Variants in ADAMTSL1 observed in about 807,000 individuals in gnomAD.
ADAMTSL1 encodes the protein ADAMTS-like protein 1.
In ADAMTSL1, 126 loss-of-function variants were observed where a neutral mutation model predicts 201.8. The ratio of observed to expected loss-of-function variants is 0.62; its 90% CI spans 0.54 to 0.72. The LOEUF is 0.72. ADAMTSL1 is among the 30% of genes least tolerant of loss of function. The probability of loss-of-function intolerance (pLI) is 0.00; values close to 1 mark genes in which losing one functional copy is unlikely to be tolerated. For synonymous variants in ADAMTSL1, 1,121 were observed against 903.4 expected (o/e 1.24, Z -4.32); for missense variants, 2,679 against 2,277.8 (o/e 1.18, Z -3.59).
chr9:18,861,895 C>T (rs773955118), intron 23 of ADAMTSL1, among the ~76,000 whole-genome samples: 7 of 152,194 alleles, frequency 4.6e-5, no homozygotes, highest in African/African-American at 7.2e-5. Flanking sequence ...AACTCTCCCC[C>T]GTCTTTACTT....
chr9:18,672,245 C>T (rs1564137590), intron 9 of ADAMTSL1, among the ~76,000 whole-genome samples: 1 of 151,618 alleles, frequency 6.6e-6, no homozygotes, highest in Non-Finnish European at 1.5e-5. Context: ...ATCACTTCTG[C>T]ACAGACTCAA....
chr9:18,337,483 C>T (rs998268265), intron 2 of ADAMTSL1, among the ~76,000 whole-genome samples: 3 of 152,110 alleles, frequency 2.0e-5, no homozygotes, highest in Admixed American at 6.6e-5. Context: ...CTAGAGAACC[C>T]TGACAAATAC....
intron 1 of ADAMTSL1, among the ~76,000 whole-genome samples, chr9:18,105,096 C>T (rs1421707486): frequency 1.3e-5 from 2 of 152,132 alleles, no homozygotes; most frequent in African/African-American, 4.8e-5. Context: ...GTCAGAGACT[C>T]AGTTCTATTC....
rs777848305 is a variant in ADAMTSL1 at position 18,675,860 on chromosome 9, CG to C, written c.1091del (p.Gly364AspfsTer87). 1 of 1,612,750 alleles carries C rather than the reference CG, an allele frequency of 6.2e-7. No individual in the cohort carries two copies. The highest frequency in any genetic ancestry group is 8.5e-7 in the Non-Finnish European group (1 of 1,179,092). On this transcript the variant is annotated frameshift_variant, in exon 10 of 29. Transcript: ENST00000380548. LOFTEE classifies it high-confidence loss of function. ...TTGGCATTATTGTTCCTAACAGTGA[CG>C]GATACAAGCAGATCATGCCTTATGA... ...CNLDPCPASD[G>X]YKQIMPYDLY...
intron 1 of ADAMTSL1, among the ~76,000 whole-genome samples, chr9:18,100,751 C>T (rs186792903): frequency 6.6e-6 from 1 of 152,198 alleles, no homozygotes; most frequent in African/African-American, 2.4e-5. Context: ...TCCTGCACCA[C>T]CCACTTCATA....
At chr9:18,773,593 A>G (rs1588082733) in intron 17 of ADAMTSL1, among the ~76,000 whole-genome samples, 1 of 152,220 alleles carries the variant, frequency 6.6e-6, no homozygotes, top group African/African-American at 2.4e-5. Context: ...CAGATCTCCA[A>G]CGGCTGGGTC....
At chr9:18,670,076 T>A (rs956498195) in intron 9 of ADAMTSL1, among the ~76,000 whole-genome samples, 1 of 152,202 alleles carries the variant, frequency 6.6e-6, no homozygotes, top group African/African-American at 2.4e-5. Context: ...CTGGTTTCTA[T>A]TGCCCTGAGG....
rs181507363 is a variant in ADAMTSL1 at position 18,581,320 on chromosome 9, G to A, written c.474+7054G>A. Among the ~76,000 whole-genome samples the A allele has an allele frequency of 2.0e-3, 304 of 152,172 alleles. 5 individuals carry two copies. Among genetic ancestry groups the A allele is most frequent in the Admixed American group, 0.019 (285 of 15,280 alleles). ...CGGATTATGAATTCATCTCAATTTG[G>A]TTACATCTGCAAAGATTCTATTTCC... On this transcript the variant is annotated intron_variant, in intron 4 of 28. Coordinates refer to ENST00000380548, the MANE Select transcript of ADAMTSL1 (RefSeq NM_001040272.6).
intron 2 of ADAMTSL1, among the ~76,000 whole-genome samples, chr9:18,246,778 A>G (rs1179902844): frequency 1.3e-5 from 2 of 152,202 alleles, no homozygotes; most frequent in Non-Finnish European, 2.9e-5. Context: ...ATGCACATAC[A>G]TACATAACCA....
At chr9:18,804,597 G>A (rs1377523379) in intron 20 of ADAMTSL1, among the ~76,000 whole-genome samples, 1 of 152,162 alleles carries the variant, frequency 6.6e-6, no homozygotes, top group South Asian at 2.1e-4. Context: ...GAATAGTAAT[G>A]GAACATTAAT....
At chr9:18,271,486 C>A (rs979182891) in intron 2 of ADAMTSL1, among the ~76,000 whole-genome samples, 4 of 152,106 alleles carry the variant, frequency 2.6e-5, no homozygotes, top group African/African-American at 9.7e-5. Context: ...TCATCCATGT[C>A]CCTACAAAGG....
rs867769232 is a variant in ADAMTSL1, at chr9:18,508,379, C to G, written c.191+3423C>G. The stretch of plus-strand genomic sequence containing the variant: ...GTAATGAAAGTGTGGAGCAAGTCCC[C>G]TTTGGTATCTAAAGGGAATCAGACA... On this transcript the variant is annotated intron_variant, in intron 2 of 28. Transcript: ENST00000380548. 2.6e-5 allele frequency among the ~76,000 whole-genome samples: 4 copies of G among 152,154 alleles called. No homozygotes were observed. In the South Asian group the frequency reaches 8.3e-4, roughly 32 times the overall value.
At chr9:18,829,408 T>C (rs1188519346) in intron 22 of ADAMTSL1, among the ~76,000 whole-genome samples, 9 of 152,198 alleles carry the variant, frequency 5.9e-5, no homozygotes, top group Non-Finnish European at 1.2e-4. Flanking sequence ...GTGTGGACAA[T>C]AACAGAGTGC....
At chr9:18,399,840 T>C (rs1817916118) in intron 2 of ADAMTSL1, among the ~76,000 whole-genome samples, 3 of 152,264 alleles carry the variant, frequency 2.0e-5, no homozygotes, top group Admixed American at 6.5e-5. Context: ...CCTGACAAAT[T>C]TTTTGGTGTT....
At chr9:18,574,407 G>T in intron 4 of ADAMTSL1, 141 bp downstream of exon 4, 1 of 849,236 alleles carries the variant, frequency 1.2e-6, no homozygotes, top group Middle Eastern at 2.4e-4. Flanking sequence ...TGAAAATTAA[G>T]GTATGATTTC....
rs1005803996 is a variant in ADAMTSL1, at chr9:18,377,054, C to T, written c.208-127775C>T. On this transcript the variant is annotated intron_variant, in intron 2 of 29. Coordinates refer to the ADAMTSL1 transcript ENST00000680146. ...ATCCTCGAAATTCTCACAGGTAGAG[C>T]CTGATAGAGTTTTCTTCAAATTTAT... Among the ~76,000 whole-genome samples the T allele has an allele frequency of 4.3e-4, 66 of 152,276 alleles. 1 individual carries two copies. The highest frequency in any genetic ancestry group is 1.5e-3 in the African/African-American group (62 of 41,558).
At chr9:18,901,826 A>C (rs1165099058) in intron 26 of ADAMTSL1, among the ~76,000 whole-genome samples, 1 of 152,206 alleles carries the variant, frequency 6.6e-6, no homozygotes, top group Non-Finnish European at 1.5e-5. Flanking sequence ...AATTACTTTA[A>C]AGGAATCAAA....
intron 14 of ADAMTSL1, among the ~76,000 whole-genome samples, chr9:18,716,424 A>G (rs1832936102): frequency 6.6e-6 from 1 of 152,312 alleles, no homozygotes; most frequent in South Asian, 2.1e-4. Context: ...GAAAGTGGGC[A>G]AAGGACATGA....
chr9:18,607,298 G>A (rs1294803932), intron 4 of ADAMTSL1, among the ~76,000 whole-genome samples: 1 of 152,080 alleles, frequency 6.6e-6, no homozygotes, highest in Non-Finnish European at 1.5e-5. Context: ...CCGAAGTCTA[G>A]GTCAACACTC....
Sources: allele counts gnomAD v4.1 joint callset (sites outside exome capture counted in the v4.1 genomes callset), GRCh38; gene constraint gnomAD v4.1.1; transcripts MANE v1.5; gene names NCBI Gene and HGNC (gene_info 2026-07-23, HGNC 2026-07-21).